The following SRC variants were observed in gnomAD, a reference collection of about 807,000 sequenced individuals.
The protein encoded by SRC is SRC proto-oncogene, non-receptor tyrosine kinase, also known as proto-oncogene tyrosine-protein kinase Src.
Under a neutral mutation model 62.9 loss-of-function variants are expected in SRC, and 13 were observed. The ratio of observed to expected loss-of-function variants is 0.21; its 90% CI spans 0.13 to 0.33. The LOEUF (loss-of-function observed/expected upper bound fraction) is 0.33, where lower values mean the gene tolerates loss of function less well. SRC is among the 10% of genes least tolerant of loss of function. The pLI, the probability that SRC is intolerant of heterozygous loss-of-function variation, is 1.00. For synonymous variants in SRC, 302 were observed against 317.5 expected (o/e 0.95, Z 0.52); for missense variants, 457 against 737.3 (o/e 0.62, Z 4.40).
In SRC at chr20:37,396,496, T is replaced by G; in HGVS notation, c.703+185T>G. On this transcript the variant is annotated intron_variant, in intron 8 of 13. Transcript: ENST00000373578. The surrounding 1 kb of genome is among the most constrained non-coding windows in gnomAD (Gnocchi z 6.1). ...TTTCCTTGTCTCCTTCTTCTTCCTC[T>G]TCTTTCCCCCAGCCCCCCTCCTCCC... 1 of 730,040 alleles carries G rather than the reference T, an allele frequency of 1.4e-6. No individual in the cohort carries two copies. 45.2% of individuals were successfully genotyped at this position (730,040 alleles called of 1,614,324 possible).
At chr20:37,353,496 C>T (rs536020634) in intron 1 of SRC, among the ~76,000 whole-genome samples, 20 of 152,252 alleles carry the variant, frequency 1.3e-4, no homozygotes, top group Admixed American at 4.6e-4. Flanking sequence ...CAGACACGCC[C>T]GGGACCCTGA....
In SRC at chr20:37,400,976, T is replaced by C. The variant is rs74625300; in HGVS notation, c.1040-626T>C. 3.8e-3 allele frequency among the ~76,000 whole-genome samples: 580 copies of C among 152,174 alleles called. 16 individuals carry two copies. In the East Asian group the frequency reaches 0.06, roughly 16 times the overall value. ...TGGAATCTTTTACATCTGGGATGCA[T>C]TGTTTTTTTACTTTTTACATTTCAA... On this transcript the variant is annotated intron_variant, in intron 10 of 13. Coordinates refer to ENST00000373578, the MANE Select transcript of SRC (RefSeq NM_198291.3).
At chr20:37,348,403 C>T (rs1405026813) in intron 1 of SRC, among the ~76,000 whole-genome samples, 1 of 152,168 alleles carries the variant, frequency 6.6e-6, no homozygotes, top group African/African-American at 2.4e-5. Flanking sequence ...CCTCAGCTGA[C>T]CCCATTTTCT....
chr20:37,366,876 G>T (rs1385267783), intron 2 of SRC, among the ~76,000 whole-genome samples: 1 of 152,044 alleles, frequency 6.6e-6, no homozygotes, highest in Non-Finnish European at 1.5e-5. Context: ...CATTTCTTTC[G>T]AGTGTGTACC....
chr20:37,381,604 T>C (rs1489967533), intron 2 of SRC, among the ~76,000 whole-genome samples: 1 of 152,178 alleles, frequency 6.6e-6, no homozygotes, highest in Non-Finnish European at 1.5e-5. Flanking sequence ...CTAATTCGTC[T>C]CTATGTCCCC....
In SRC at chr20:37,404,568, A is replaced by G; in HGVS notation, c.*1189A>G. The G allele has an allele frequency of 4.3e-6, 1 of 233,674 alleles. No individual in the cohort carries two copies. The allele number at this position is 233,674 out of a possible 1,614,324, so 14.5% of individuals were successfully genotyped here. Reference sequence around the variant, plus strand: ...CTCATGAGGAGGGAAAAGAGTGCCTAAGCGGGGGTGAAAGAGGACGTGTTA... The same window carrying G: ...CTCATGAGGAGGGAAAAGAGTGCCTGAGCGGGGGTGAAAGAGGACGTGTTA... On this transcript the variant is annotated 3_prime_UTR_variant, in exon 14 of 14. Coordinates refer to ENST00000373578, the MANE Select transcript of SRC (RefSeq NM_198291.3).
chr20:37,402,306 A>T lies in SRC; in HGVS notation c.1117-129A>T. ...TGCCAACAGCATTTACTGTGAACTG[A>T]CCTCACTTGCCTGAAGAAGTGTGGG... On this transcript the variant is annotated intron_variant, in intron 11 of 13. Transcript: ENST00000373578. This position sits in a 1 kb window ranked among gnomAD's most constrained non-coding sequence, Gnocchi z 6.2. 1.8e-6 allele frequency: 2 copies of T among 1,131,706 alleles called. No individual in the cohort carries two copies. Among genetic ancestry groups the T allele is most frequent in the South Asian group, 1.5e-5 (1 of 66,120 alleles). The allele number at this position is 1,131,706 out of a possible 1,614,324, so 70.1% of individuals were successfully genotyped here. A position where few individuals can be genotyped will look rare whatever the true frequency, so the allele number is the denominator to read the frequency against.
At chr20:37,360,926 G>A (rs771439630) in intron 1 of SRC, among the ~76,000 whole-genome samples, 1 of 152,222 alleles carries the variant, frequency 6.6e-6, no homozygotes, top group Non-Finnish European at 1.5e-5. Context: ...AGGTCACACA[G>A]CAAGGAAGGG....
chr20:37,359,637 G>C (rs1477896965), intron 1 of SRC, among the ~76,000 whole-genome samples: 1 of 152,206 alleles, frequency 6.6e-6, no homozygotes, highest in African/African-American at 2.4e-5. Flanking sequence ...CAGGGGAACA[G>C]AGTGAGAAAG....
intron 5 of SRC, among the ~76,000 whole-genome samples, chr20:37,390,622 C>T (rs1296016808): frequency 6.6e-6 from 1 of 152,032 alleles, no homozygotes; most frequent in Admixed American, 6.6e-5. Context: ...CTGGGCTGGT[C>T]TCGAACTCCT....
upstream of SRC, chr20:37,346,114 G>C (rs1246673044): frequency 6.6e-6 from 1 of 151,836 alleles, no homozygotes; most frequent in Non-Finnish European, 1.5e-5. Context: ...TTTCTCTCTC[G>C]ATCTGTCTCT....
chr20:37,386,499 G>T, intron 5 of SRC: 1 of 713,392 alleles, frequency 1.4e-6, no homozygotes. Context: ...CTCCGTGGGC[G>T]GCGGGCTGGG....
At chr20:37,400,464 C>T (rs1803253411) in intron 10 of SRC, among the ~76,000 whole-genome samples, 170 bp downstream of exon 10, 1 of 152,144 alleles carries the variant, frequency 6.6e-6, no homozygotes, top group South Asian at 2.1e-4. Flanking sequence ...TAGCTCACTT[C>T]AGCCTCAACC....
intron 5 of SRC, among the ~76,000 whole-genome samples, chr20:37,390,388 C>CTTTTTTTT (rs562064689): frequency 1.2e-5 from 1 of 85,658 alleles, no homozygotes; most frequent in Non-Finnish European, 2.4e-5. Flanking sequence ...TCTGATCTGG[C>CTTTTTTTT]TTTTTTTTTT....
intron 2 of SRC, among the ~76,000 whole-genome samples, chr20:37,382,053 C>T (rs971240668): frequency 1.3e-5 from 2 of 152,176 alleles, no homozygotes; most frequent in Non-Finnish European, 2.9e-5. Flanking sequence ...GCTGGGCGCT[C>T]AGGGCAAACA....
chr20:37,363,190 C>T (rs1201908073), intron 1 of SRC, among the ~76,000 whole-genome samples: 1 of 152,234 alleles, frequency 6.6e-6, no homozygotes, highest in African/African-American at 2.4e-5. Flanking sequence ...TCTCTGACCG[C>T]CGGCTCCCAG....
In SRC at chr20:37,393,974, G is replaced by T; in HGVS notation, c.430G>T (p.Asp144Tyr). 6.2e-7 allele frequency: 1 copy of T among 1,614,032 alleles called. No homozygotes were observed. The highest frequency in any genetic ancestry group is 8.5e-7 in the Non-Finnish European group (1 of 1,179,988). The change falls in exon 6 of 14, where the codon GAC (aspartate) becomes TAC (tyrosine). Residue 144 changes from aspartate (D) to tyrosine (Y), a missense_variant. Asp to Tyr is a radical substitution (Grantham distance 160). This residue lies in a region of SRC where 141 missense variants were observed against 198.4 expected (regional missense o/e 0.71). Transcript: ENST00000373578. The stretch of plus-strand genomic sequence containing the variant: ...CCCCAGCAACTACGTGGCGCCCTCC[G>T]ACTCCATCCAGGCTGAGGAGTGAGT... ...YIPSNYVAPS[D>Y]SIQAEEWYFG...
chr20:37,399,106 A>C (rs1213999578), intron 9 of SRC, among the ~76,000 whole-genome samples: 2 of 152,222 alleles, frequency 1.3e-5, no homozygotes, highest in Non-Finnish European at 2.9e-5. Flanking sequence ...CTGAGCCCTC[A>C]CGGTGGGGCT....
At chr20:37,395,031 G>A (rs1470785210) in intron 7 of SRC, among the ~76,000 whole-genome samples, 1 of 152,172 alleles carries the variant, frequency 6.6e-6, no homozygotes, top group African/African-American at 2.4e-5. Flanking sequence ...TGAGCGTGTG[G>A]CTACTGGGCA....
Sources: allele counts gnomAD v4.1 joint callset (sites outside exome capture counted in the v4.1 genomes callset), GRCh38; gene constraint gnomAD v4.1.1; regional missense constraint gnomAD v4.1.1; non-coding constraint Gnocchi (gnomAD v3.1); transcripts MANE v1.5; gene names NCBI Gene and HGNC (gene_info 2026-07-23, HGNC 2026-07-21).